TRIM11: variants seen among roughly 807,000 people sequenced by gnomAD.
TRIM11 encodes the protein tripartite motif containing 11, also known as E3 ubiquitin-protein ligase TRIM11.
TRIM11 carries 15 observed loss-of-function variants against 33.4 expected under a neutral mutation model. That is an observed-to-expected ratio of 0.45 (90% CI 0.30 to 0.69). The LOEUF (loss-of-function observed/expected upper bound fraction) is 0.69. TRIM11 is among the 30% of genes least tolerant of loss of function. TRIM11 has a pLI of 0.08. For missense variants in TRIM11, 499 were observed against 667.6 expected, an observed-to-expected ratio of 0.75 and a Z score of 2.78; for synonymous variants, 281 against 302.6, an observed-to-expected ratio of 0.93 and a Z score of 0.74.
intron 1 of TRIM11, chr1:228,402,439 C>G (rs1046714643): frequency 1.7e-5 from 5 of 286,994 alleles, no homozygotes; most frequent in Admixed American, 5.3e-5. Flanking sequence ...GCCTCACCCC[C>G]CTTTGCAAAG....
intron 5 of TRIM11, chr1:228,396,344 T>C (rs1007065741): frequency 7.9e-6 from 3 of 379,338 alleles, no homozygotes; most frequent in Non-Finnish European, 1.4e-5. Context: ...TAAACAGCTC[T>C]TGGGGCTCAG....
At position 228,394,822 on chromosome 1, in the gene TRIM11, G is replaced by C. The variant is rs143172746; in HGVS notation, c.1290C>G (p.Pro430=). The change falls in exon 6 of 6, where the codon CCC becomes CCG. Residue 430 remains proline (P), a synonymous_variant. Transcript: ENST00000284551. This position sits in a 1 kb window ranked among gnomAD's most constrained non-coding sequence, Gnocchi z 6.2. ...ATDGSLLFIF[P]EIPFSGTLRP... is the part of the protein sequence containing the mutation. The stretch of plus-strand genomic sequence containing the variant: ...GCAGCGTCCCCGAGAAGGGGATCTC[G>C]GGAAAGATGAATAGCAGTGACCCAT... The C allele has an allele frequency of 6.2e-7, 1 of 1,613,956 alleles. No homozygotes were observed. Among genetic ancestry groups the C allele is most frequent in the South Asian group, 1.1e-5 (1 of 91,072 alleles).
chr1:228,405,013 T>C (rs1461859642), intron 1 of TRIM11: 2 of 152,158 alleles, frequency 1.3e-5, no homozygotes, highest in African/African-American at 4.8e-5. Context: ...AAAGAAAGGG[T>C]TAAGTGCTAT....
chr1:228,394,878 C>G lies in TRIM11; in HGVS notation c.1234G>C (p.Ala412Pro), dbSNP rs763514644. 6.2e-7 allele frequency: 1 copy of G among 1,614,006 alleles called. No homozygotes were observed. Among genetic ancestry groups the G allele is most frequent in the African/African-American group, 1.3e-5 (1 of 74,906 alleles). Residue 412 changes from alanine (A) to proline (P), a missense_variant, in exon 6 of 6, where the codon GCT becomes CCT. Coordinates refer to ENST00000284551, the MANE Select transcript of TRIM11 (RefSeq NM_145214.3). The surrounding 1 kb of genome is among the most constrained non-coding windows in gnomAD (Gnocchi z 6.2). ...GCACTGTAGAAAGAGAGATGTCCAG[C>G]CTCGTAGTCCAGAAAGATCCCCACG... ...RRVGIFLDYE[A>P]GHLSFYSATD... is the part of the protein sequence containing the mutation.
chr1:228,405,868 G>C (rs895123418), intron 1 of TRIM11: 4 of 366,774 alleles, frequency 1.1e-5, no homozygotes, highest in Non-Finnish European at 1.9e-5. Flanking sequence ...TCCTCTCTTA[G>C]CCTCTATCTA....
Position 228,394,660 on chromosome 1 carries a change from T to C in TRIM11, c.*45A>G, listed in dbSNP as rs2074961837. ...CAAGTGGCCAAAACACTCAGTGGCC[T>C]GGAGGGGCAGGAGAGGCAACAGGAC... is the stretch of plus-strand genomic sequence containing the variant. On this transcript the variant is annotated 3_prime_UTR_variant, in exon 6 of 6. Coordinates refer to ENST00000284551, the MANE Select transcript of TRIM11 (RefSeq NM_145214.3). This position sits in a 1 kb window ranked among gnomAD's most constrained non-coding sequence, Gnocchi z 6.2. The C allele has an allele frequency of 2.0e-6, 3 of 1,533,548 alleles. No homozygotes were observed. The highest frequency in any genetic ancestry group is 2.8e-5 in the African/African-American group (2 of 72,350). 95.0% of individuals were successfully genotyped at this position (1,533,548 alleles called of 1,614,324 possible). A position where few individuals can be genotyped will look rare whatever the true frequency, so the allele number is the denominator to read the frequency against.
At chr1:228,402,752 C>T (rs908163928) in intron 1 of TRIM11, 4 of 152,278 alleles carry the variant, frequency 2.6e-5, no homozygotes, top group African/African-American at 7.2e-5. Context: ...AAGGAACCCT[C>T]GCCCCTTTCA....
rs1333440230 is a variant in TRIM11 at position 228,394,876 on chromosome 1, A to G, written c.1236T>C (p.Ala412=). 3.6e-5 allele frequency: 58 copies of G among 1,614,022 alleles called. No individual in the cohort carries two copies. The highest frequency in any genetic ancestry group is 4.7e-5 in the Non-Finnish European group (56 of 1,180,024). ...TGGCACTGTAGAAAGAGAGATGTCC[A>G]GCCTCGTAGTCCAGAAAGATCCCCA... is the stretch of plus-strand genomic sequence containing the variant. ...RRVGIFLDYE[A]GHLSFYSATD... Residue 412 remains alanine (A), a synonymous_variant, in exon 6 of 6, where the codon GCT becomes GCC. Coordinates refer to ENST00000284551, the MANE Select transcript of TRIM11 (RefSeq NM_145214.3). The surrounding 1 kb of genome is among the most constrained non-coding windows in gnomAD (Gnocchi z 6.2).
rs1266593481 is a variant in TRIM11, at chr1:228,403,273, C to G, written c.409-1112G>C. ...GCTTCTCAGCCACCCCAAGTCTTGG[C>G]TCTCATCTCTCGCTATCCACGCTCT... On this transcript the variant is annotated intron_variant, in intron 1 of 5. Transcript: ENST00000284551. The surrounding 1 kb of genome is among the most constrained non-coding windows in gnomAD (Gnocchi z 4.8). 1 of 152,410 alleles carries G rather than the reference C, an allele frequency of 6.6e-6. No individual in the cohort carries two copies. Among genetic ancestry groups the G allele is most frequent in the African/African-American group, 2.4e-5 (1 of 41,458 alleles). 9.4% of individuals were successfully genotyped at this position (152,410 alleles called of 1,614,324 possible). A position where few individuals can be genotyped will look rare whatever the true frequency, so the allele number is the denominator to read the frequency against.
rs1479665900 is a variant in TRIM11 at position 228,400,917 on chromosome 1, C to T, written c.735+47G>A. 5.4e-6 allele frequency: 8 copies of T among 1,473,594 alleles called. No homozygotes were observed. The highest frequency in any genetic ancestry group is 7.2e-6 in the Non-Finnish European group (8 of 1,114,972). The allele number at this position is 1,473,594 out of a possible 1,614,324, so 91.3% of individuals were successfully genotyped here. On this transcript the variant is annotated intron_variant, in intron 3 of 5. Transcript: ENST00000284551. The surrounding 1 kb of genome is among the most constrained non-coding windows in gnomAD (Gnocchi z 4.5). ...CTGGTTCTCCCTCCCCCAGTGTGGC[C>T]AGGCCATGCCCGTGTGGCCACCATG...
Position 228,394,685 on chromosome 1 carries a change from C to A in TRIM11, c.*20G>T, listed in dbSNP as rs1042384424. On this transcript the variant is annotated 3_prime_UTR_variant, in exon 6 of 6. Transcript: ENST00000284551. The surrounding 1 kb of genome is among the most constrained non-coding windows in gnomAD (Gnocchi z 6.2). ...TGGAGGGGCAGGAGAGGCAACAGGA[C>A]TCCTCCAGGAGGGCCCGAGTCACTG... is the stretch of plus-strand genomic sequence containing the variant. 6.4e-7 allele frequency: 1 copy of A among 1,566,840 alleles called. No individual in the cohort carries two copies. The highest frequency in any genetic ancestry group is 8.7e-7 in the Non-Finnish European group (1 of 1,153,430).
chr1:228,401,211 G>A lies in TRIM11; in HGVS notation c.505-17C>T. On this transcript the variant is annotated splice_polypyrimidine_tract_variant and intron_variant, in intron 2 of 5. Coordinates refer to ENST00000284551, the MANE Select transcript of TRIM11 (RefSeq NM_145214.3). The surrounding 1 kb of genome is among the most constrained non-coding windows in gnomAD (Gnocchi z 6.1). ...CACCATCTTCTGTGGAGCCCAGGGAGAAGGACAGCTGAGGCCAGACCCCAG... is the reference window on the plus strand; with the variant it reads ...CACCATCTTCTGTGGAGCCCAGGGAAAAGGACAGCTGAGGCCAGACCCCAG... 1 of 1,609,386 alleles carries A rather than the reference G, an allele frequency of 6.2e-7. No homozygotes were observed. The highest frequency in any genetic ancestry group is 8.5e-7 in the Non-Finnish European group (1 of 1,177,360).
chr1:228,397,390 G>A (rs1416765658), intron 3 of TRIM11: 5 of 595,004 alleles, frequency 8.4e-6, no homozygotes, highest in African/African-American at 5.6e-5. Context: ...CCAATGGGGT[G>A]CAGCCCAGCC....
intron 5 of TRIM11, 73 bp downstream of exon 5, chr1:228,396,874 C>T (rs756695564): frequency 2.8e-6 from 4 of 1,423,320 alleles, no homozygotes; most frequent in Non-Finnish European, 3.0e-6. Flanking sequence ...GCACAGAACA[C>T]GTGGCTGGCT....
intron 5 of TRIM11, 191 bp downstream of exon 5, chr1:228,396,756 G>A: frequency 1.4e-6 from 1 of 721,876 alleles, no homozygotes; most frequent in Non-Finnish European, 2.6e-6. Context: ...TTGAAGAATT[G>A]TTTGGTGTGA....
intron 1 of TRIM11, 197 bp from the exon 2 acceptor site, chr1:228,402,358 G>A (rs545487725): frequency 3.0e-4 from 148 of 493,102 alleles, no homozygotes; most frequent in African/African-American, 2.7e-3. Context: ...GAGGCTGACA[G>A]CCCCAGCCAC....
chr1:228,406,352 C>A lies in TRIM11; in HGVS notation c.210G>T (p.Pro70=), dbSNP rs769788778. The change falls in exon 1 of 6, where the codon CCG becomes CCT. Residue 70 remains proline (P), a synonymous_variant. Transcript: ENST00000284551. The surrounding 1 kb of genome is among the most constrained non-coding windows in gnomAD (Gnocchi z 8.2). ...GCGCCATCTCGGCCATCTTAGCAAG[C>A]GGGCGGTTGGGCCGCAGGTTCCTCT... ...SPQRNLRPNR[P]LAKMAEMARR... 9.4e-6 allele frequency: 14 copies of A among 1,491,636 alleles called. No individual in the cohort carries two copies. In the South Asian group the frequency reaches 1.4e-4, roughly 15 times the overall value. 92.4% of individuals were successfully genotyped at this position (1,491,636 alleles called of 1,614,324 possible).
rs1307737777 is a variant in TRIM11, at chr1:228,406,017, C to T, written c.408+137G>A. ...CGACACCCCCCTCACAGGCCCACAGCAGGCTGCATCCTGAGCTCCCCGCCC... is the reference window on the plus strand; with the variant it reads ...CGACACCCCCCTCACAGGCCCACAGTAGGCTGCATCCTGAGCTCCCCGCCC... On this transcript the variant is annotated intron_variant, in intron 1 of 5. Transcript: ENST00000284551. The surrounding 1 kb of genome is among the most constrained non-coding windows in gnomAD (Gnocchi z 8.2). 9.8e-6 allele frequency: 10 copies of T among 1,024,714 alleles called. No individual in the cohort carries two copies. In the East Asian group the frequency reaches 3.3e-4, roughly 34 times the overall value. The allele number at this position is 1,024,714 out of a possible 1,614,324, so 63.5% of individuals were successfully genotyped here. A position where few individuals can be genotyped will look rare whatever the true frequency, so the allele number is the denominator to read the frequency against.
rs751530642 is a variant in TRIM11 at position 228,401,142 on chromosome 1, C to T, written c.557G>A (p.Arg186His). The T allele has an allele frequency of 8.1e-6, 13 of 1,613,466 alleles. No individual in the cohort carries two copies. The highest frequency in any genetic ancestry group is 4.4e-5 in the South Asian group (4 of 91,090). ...QNVLGEFERL[R>H]RLLAEEEQQL... ...CTGCTCCTCCTCTGCCAGCAAACGG[C>T]GAAGACGCTCGAACTCACCCAGCAC... is the stretch of plus-strand genomic sequence containing the variant. The change falls in exon 3 of 6, where the codon CGC (arginine) becomes CAC (histidine). Residue 186 changes from arginine (R) to histidine (H), a missense_variant. Physicochemically the swap from Arg to His is conservative, Grantham distance 29. Transcript: ENST00000284551. The surrounding 1 kb of genome is among the most constrained non-coding windows in gnomAD (Gnocchi z 6.1).
Sources: allele counts gnomAD v4.1 joint callset, GRCh38; gene constraint gnomAD v4.1.1; non-coding constraint Gnocchi (gnomAD v3.1); transcripts MANE v1.5; gene names NCBI Gene and HGNC (gene_info 2026-07-23, HGNC 2026-07-21).